ADAMTS19: variants seen among roughly 807,000 people sequenced by gnomAD.
The protein encoded by ADAMTS19 is ADAM metallopeptidase with thrombospondin type 1 motif 19.
Under a neutral mutation model 153.3 loss-of-function variants are expected in ADAMTS19, and 93 were observed. That is an observed-to-expected ratio of 0.61 (90% confidence interval 0.51 to 0.72). The LOEUF is 0.72. Ranked by LOEUF, ADAMTS19 falls within the 30% of genes least tolerant of loss-of-function variation. The pLI is 0.00. For synonymous variants in ADAMTS19, 600 were observed against 556.6 expected, an observed-to-expected ratio of 1.08 and a Z score of -1.10; for missense variants, 1,482 against 1,552.1, an observed-to-expected ratio of 0.95 and a Z score of 0.76.
chr5:129,504,860 T>TACACAC (rs1424334829), intron 2 of ADAMTS19, among the ~76,000 whole-genome samples: 2 of 95,752 alleles, frequency 2.1e-5, no homozygotes, highest in African/African-American at 9.0e-5. Context: ...GTATTCTGTC[T>TACACAC]ACACACACAC....
intron 15 of ADAMTS19, among the ~76,000 whole-genome samples, chr5:129,659,165 G>A (rs1036736427): frequency 1.3e-5 from 2 of 152,012 alleles, no homozygotes; most frequent in Non-Finnish European, 2.9e-5. Context: ...TACATTATCA[G>A]GGAGTACGTT....
At chr5:129,488,471 G>A (rs1475120862) in intron 2 of ADAMTS19, among the ~76,000 whole-genome samples, 1 of 151,982 alleles carries the variant, frequency 6.6e-6, no homozygotes, top group African/African-American at 2.4e-5. Context: ...GTTGAGTGGT[G>A]TTTAAGAAAA....
chr5:129,679,688 C>A, intron 16 of ADAMTS19, 76 bp from the exon 17 acceptor site: 2 of 1,294,440 alleles, frequency 1.5e-6, no homozygotes, highest in Non-Finnish European at 2.1e-6. Context: ...CTAGTTTTAA[C>A]AAAATAATTT....
rs747135005 is a variant in ADAMTS19 at position 129,686,973 on chromosome 5, C to T, written c.2818+2700C>T. ...TCTTCTATCCTCCCATCCTCTCCTGCTGATGCTCCCATATGCACCCAAATT... is the reference window on the plus strand; with the variant it reads ...TCTTCTATCCTCCCATCCTCTCCTGTTGATGCTCCCATATGCACCCAAATT... On this transcript the variant is annotated intron_variant, in intron 18 of 22. Transcript: ENST00000274487. 2.2e-3 allele frequency among the ~76,000 whole-genome samples: 338 copies of T among 152,208 alleles called. 4 individuals carry two copies. The highest frequency in any genetic ancestry group is 7.5e-4 in the Non-Finnish European group (51 of 68,012).
chr5:129,470,297 A>G (rs1750021049), intron 2 of ADAMTS19, among the ~76,000 whole-genome samples: 1 of 152,240 alleles, frequency 6.6e-6, no homozygotes, highest in Admixed American at 6.5e-5. Context: ...ATTTGCAATT[A>G]CATTTTTAAC....
At chr5:129,735,409 C>A (rs1169815963) in intron 22 of ADAMTS19, among the ~76,000 whole-genome samples, 2 of 151,932 alleles carry the variant, frequency 1.3e-5, no homozygotes, top group African/African-American at 2.4e-5. Context: ...AATCTCATGG[C>A]AGAACTATCA....
rs113709151 is a variant in ADAMTS19, at chr5:129,568,485, A to C, written c.1372+16578A>C. Among the ~76,000 whole-genome samples, 235 of 152,234 alleles carry C rather than the reference A, an allele frequency of 1.5e-3. 1 individual carries two copies. Among genetic ancestry groups the C allele is most frequent in the African/African-American group, 5.2e-3 (218 of 41,542 alleles). On this transcript the variant is annotated intron_variant, in intron 7 of 22. Coordinates refer to ENST00000274487, the MANE Select transcript of ADAMTS19 (RefSeq NM_133638.6). Reference sequence around the variant, plus strand: ...TATTATGTAATGTAAAACCTATGGGAAGCAACCACTAAAAATATACACAGA... The same window carrying C: ...TATTATGTAATGTAAAACCTATGGGCAGCAACCACTAAAAATATACACAGA...
chr5:129,669,542 T>C (rs1754205471), intron 16 of ADAMTS19, among the ~76,000 whole-genome samples: 1 of 152,126 alleles, frequency 6.6e-6, no homozygotes, highest in Non-Finnish European at 1.5e-5. Flanking sequence ...GTTAATTTTG[T>C]TGATCTTTTC....
chr5:129,680,050 G>C, intron 17 of ADAMTS19, 129 bp downstream of exon 17: 1 of 1,045,030 alleles, frequency 9.6e-7, no homozygotes, highest in Non-Finnish European at 1.3e-6. Flanking sequence ...TTAAAAAGTG[G>C]AATTTTTAGA....
At chr5:129,733,696 C>T (rs1757543771) in intron 21 of ADAMTS19, among the ~76,000 whole-genome samples, 1 of 152,040 alleles carries the variant, frequency 6.6e-6, no homozygotes, top group Non-Finnish European at 1.5e-5. Context: ...AATACTTATA[C>T]ATTGTTAGTG....
At chr5:129,596,804 C>A (rs2126920583) in intron 8 of ADAMTS19, 140 bp downstream of exon 8, 1 of 567,846 alleles carries the variant, frequency 1.8e-6, no homozygotes, top group South Asian at 2.5e-5. Context: ...GGGGTGAAGA[C>A]TGACTACATT....
intron 6 of ADAMTS19, among the ~76,000 whole-genome samples, chr5:129,534,626 A>G (rs966035427): frequency 5.3e-5 from 8 of 152,218 alleles, no homozygotes; most frequent in Admixed American, 2.6e-4. Context: ...ACAAAAAAAG[A>G]GAATTTTAGA....
At chr5:129,526,500 T>A in intron 4 of ADAMTS19, 44 bp downstream of exon 4, 1 of 1,533,386 alleles carries the variant, frequency 6.5e-7, no homozygotes, top group Non-Finnish European at 8.8e-7. Context: ...TCAAGAAAAC[T>A]CTAAGGAAGA....
chr5:129,674,500 T>C (rs546949580), intron 16 of ADAMTS19, among the ~76,000 whole-genome samples: 1 of 152,250 alleles, frequency 6.6e-6, no homozygotes, highest in South Asian at 2.1e-4. Context: ...TCTGTTGGAC[T>C]GAGTACACTT....
intron 16 of ADAMTS19, among the ~76,000 whole-genome samples, chr5:129,673,069 T>C (rs1010652087): frequency 7.2e-5 from 11 of 152,048 alleles, no homozygotes; most frequent in Admixed American, 6.5e-4. Flanking sequence ...TTTTAGTTTG[T>C]GTCTATTTTT....
intron 18 of ADAMTS19, among the ~76,000 whole-genome samples, chr5:129,691,580 AG>A (rs1755338885): frequency 6.6e-6 from 1 of 152,196 alleles, no homozygotes; most frequent in Non-Finnish European, 1.5e-5. Flanking sequence ...GTATTTTCAT[AG>A]GTGTAATACG....
intron 6 of ADAMTS19, among the ~76,000 whole-genome samples, chr5:129,529,623 C>T (rs1752129580): frequency 1.3e-5 from 2 of 152,160 alleles, no homozygotes; most frequent in South Asian, 4.1e-4. Context: ...GCAAACATCG[C>T]AGTCAACCCA....
At chr5:129,651,395 A>G (rs1753307952) in intron 13 of ADAMTS19, among the ~76,000 whole-genome samples, 1 of 152,064 alleles carries the variant, frequency 6.6e-6, no homozygotes, top group South Asian at 2.1e-4. Flanking sequence ...CAGTTGCACA[A>G]ACTTGATCAC....
intron 15 of ADAMTS19, among the ~76,000 whole-genome samples, chr5:129,662,120 G>A (rs1230923480): frequency 2.0e-5 from 3 of 152,182 alleles, no homozygotes; most frequent in African/African-American, 4.8e-5. Flanking sequence ...AATAATTTCT[G>A]TAAAGTAACT....
Sources: gnomAD v4.1 joint callset for allele counts (sites outside exome capture counted in the v4.1 genomes callset) on GRCh38, gnomAD v4.1.1 for gene constraint, MANE v1.5 for transcripts, NCBI Gene and HGNC (gene_info 2026-07-23, HGNC 2026-07-21) for gene names.